TACC2: variants seen among roughly 807,000 people sequenced by gnomAD.
TACC2 encodes the protein transforming acidic coiled-coil-containing protein 2.
In TACC2, 137 loss-of-function variants were observed where a neutral mutation model predicts 227.3. The observed-to-expected ratio is 0.60, with a 90% CI of 0.52 to 0.69. TACC2 has a LOEUF of 0.69. Among genes scored for constraint, TACC2 ranks in the 30% least tolerant of loss-of-function variants. The pLI is 0.00. For synonymous variants in TACC2, 1,523 were observed against 1,487.5 expected (o/e 1.02, Z -0.55); for missense variants, 3,470 against 3,694.4 (o/e 0.94, Z 1.57).
At chr10:122,153,939 G>T (rs756614406) in intron 7 of TACC2, among the ~76,000 whole-genome samples, 6 of 152,066 alleles carry the variant, frequency 3.9e-5, no homozygotes, top group Non-Finnish European at 8.8e-5. Flanking sequence ...CTCCCTCCGG[G>T]CCCCCAATCA....
At chr10:122,015,398 A>T (rs1051409881) in intron 1 of TACC2, among the ~76,000 whole-genome samples, 4 of 152,126 alleles carry the variant, frequency 2.6e-5, no homozygotes, top group Non-Finnish European at 4.4e-5. Flanking sequence ...TCAGCTACTC[A>T]GGAGGCTGAG....
intron 19 of TACC2, among the ~76,000 whole-genome samples, chr10:122,244,525 G>T (rs1268372911): frequency 6.6e-6 from 1 of 152,182 alleles, no homozygotes; most frequent in South Asian, 2.1e-4. Context: ...ACAGCAGGGG[G>T]CTGAGGCATG....
At chr10:122,231,978 GC>G (rs2095759968) in intron 16 of TACC2, among the ~76,000 whole-genome samples, 1 of 152,190 alleles carries the variant, frequency 6.6e-6, no homozygotes. Context: ...AGCCCTGAGG[GC>G]CCCGCAGTGA....
chr10:122,187,479 A>G (rs2094244501), intron 7 of TACC2, among the ~76,000 whole-genome samples: 1 of 151,512 alleles, frequency 6.6e-6, no homozygotes, highest in African/African-American at 2.4e-5. Flanking sequence ...ATTTCCCCAA[A>G]TTTCTTTTCT....
rs1397668325 is a variant in TACC2, at chr10:122,176,135, A to G, written c.5835-18905A>G. 2.0e-5 allele frequency among the ~76,000 whole-genome samples: 3 copies of G among 146,506 alleles called. No individual in the cohort carries two copies. The South Asian group carries it at 6.5e-4, about 32-fold the overall frequency. Reference sequence around the variant, plus strand: ...TCTCTCTCTATATATATATATATATATATATATATATGAAGATGAAATTGG... The same window carrying G: ...TCTCTCTCTATATATATATATATATGTATATATATATGAAGATGAAATTGG... On this transcript the variant is annotated intron_variant, in intron 7 of 22. Coordinates refer to ENST00000369005, the MANE Select transcript of TACC2 (RefSeq NM_206862.4).
chr10:122,099,993 A>G (rs1377013823), intron 5 of TACC2, among the ~76,000 whole-genome samples: 1 of 152,206 alleles, frequency 6.6e-6, no homozygotes, highest in Non-Finnish European at 1.5e-5. Flanking sequence ...GGCTGGGCAC[A>G]GTGGCTGACG....
intron 3 of TACC2, among the ~76,000 whole-genome samples, chr10:122,055,548 G>A (rs1199554386): frequency 6.6e-6 from 1 of 152,122 alleles, no homozygotes; most frequent in African/African-American, 2.4e-5. Flanking sequence ...ACACATACTG[G>A]GGCCTATTGG....
At chr10:122,108,265 T>C (rs1043468516) in intron 5 of TACC2, among the ~76,000 whole-genome samples, 2 of 152,060 alleles carry the variant, frequency 1.3e-5, no homozygotes, top group Non-Finnish European at 2.9e-5. Flanking sequence ...CAATGTTTTG[T>C]TTTTCATTTC....
intron 5 of TACC2, among the ~76,000 whole-genome samples, chr10:122,090,063 T>C (rs2080575006): frequency 1.3e-5 from 2 of 151,862 alleles, no homozygotes; most frequent in African/African-American, 4.9e-5. Context: ...AATGACCATA[T>C]CAGTGCCTTC....
Position 122,229,400 on chromosome 10 carries a change from C to T in TACC2, c.7951C>T (p.His2651Tyr), listed in dbSNP as rs748310126. 6.2e-7 allele frequency: 1 copy of T among 1,614,054 alleles called. No individual in the cohort carries two copies. The highest frequency in any genetic ancestry group is 8.5e-7 in the Non-Finnish European group (1 of 1,180,030). ...TGACGCCCTCCTCAGCAGGCTAGCT[C>T]ACCCCGTCTCTCTCTGTGGTGCACT... The part of the protein sequence containing the change: ...SADALLSRLA[H>Y]PVSLCGALDY... Residue 2651 changes from histidine (H) to tyrosine (Y), a missense_variant, in exon 15 of 23, where the codon CAC (histidine) becomes TAC (tyrosine). Transcript: ENST00000369005.
chr10:122,099,433 C>T, intron 5 of TACC2, among the ~76,000 whole-genome samples: 1 of 152,180 alleles, frequency 6.6e-6, no homozygotes, highest in East Asian at 1.9e-4. Flanking sequence ...GATGAGGTAC[C>T]ACCTCATGCC....
intron 18 of TACC2, 97 bp from the exon 19 acceptor site, chr10:122,241,861 G>T: frequency 8.7e-7 from 1 of 1,144,130 alleles, no homozygotes; most frequent in Non-Finnish European, 1.3e-6. Context: ...GGAAGTTGGG[G>T]CCCTGCTGGA....
At chr10:122,041,997 G>C (rs1406610640) in intron 2 of TACC2, among the ~76,000 whole-genome samples, 2 of 151,782 alleles carry the variant, frequency 1.3e-5, no homozygotes, top group Admixed American at 6.6e-5. Context: ...CCAGGCTGGA[G>C]TGCAGTGGCG....
chr10:122,191,363 T>A (rs1748539918), intron 7 of TACC2, among the ~76,000 whole-genome samples: 1 of 152,166 alleles, frequency 6.6e-6, no homozygotes, highest in Non-Finnish European at 1.5e-5. Context: ...ATTCAACAAA[T>A]GCTGGTAATT....
At chr10:122,159,584 G>A (rs952094541) in intron 7 of TACC2, among the ~76,000 whole-genome samples, 2 of 152,134 alleles carry the variant, frequency 1.3e-5, no homozygotes, top group Non-Finnish European at 2.9e-5. Flanking sequence ...GGCCTCAGGT[G>A]GAGTAACAAG....
In TACC2 at chr10:122,097,464, A is replaced by G. The variant is rs191924999; in HGVS notation, c.5573+8873A>G. Reference sequence around the variant, plus strand: ...AGAGGGCAGGGTGCGCCTAGCAAGGACCCCAATGCACAGTGGATTTGGGTC... The same window carrying G: ...AGAGGGCAGGGTGCGCCTAGCAAGGGCCCCAATGCACAGTGGATTTGGGTC... On this transcript the variant is annotated intron_variant, in intron 5 of 22. Transcript: ENST00000369005. Among the ~76,000 whole-genome samples, 709 of 152,036 alleles carry G rather than the reference A, an allele frequency of 4.7e-3. 9 individuals are homozygous for G. Among genetic ancestry groups the G allele is most frequent in the African/African-American group, 0.016 (677 of 41,446 alleles).
chr10:122,143,321 A>G (rs870760), intron 6 of TACC2, among the ~76,000 whole-genome samples: 96,667 of 151,512 alleles, frequency 0.64, 33,393 homozygotes, highest in Non-Finnish European at 0.78. Context: ...TCTGTTAAAG[A>G]AACCCGGTTC....
intron 3 of TACC2, among the ~76,000 whole-genome samples, chr10:122,070,117 T>C (rs970796355): frequency 6.6e-6 from 1 of 152,168 alleles, no homozygotes; most frequent in Non-Finnish European, 1.5e-5. Context: ...AAAGAAACCC[T>C]TCATCACATT....
chr10:122,079,066 C>T (rs1030219980), intron 3 of TACC2: 15 of 152,210 alleles, frequency 9.9e-5, no homozygotes, highest in East Asian at 1.9e-4. Flanking sequence ...AAAGTGGCTT[C>T]GTTTCTTTCC....
Sources: gnomAD v4.1 joint callset for allele counts (sites outside exome capture counted in the v4.1 genomes callset) on GRCh38, gnomAD v4.1.1 for gene constraint, MANE v1.5 for transcripts, NCBI Gene and HGNC (gene_info 2026-07-23, HGNC 2026-07-21) for gene names.